Variants in IL1RAPL1 observed in about 807,000 individuals in gnomAD.
IL1RAPL1 encodes the protein interleukin-1 receptor accessory protein-like 1.
Under a neutral mutation model 48.4 loss-of-function variants are expected in IL1RAPL1, and 3 were observed. That is an observed-to-expected ratio of 0.06 (90% confidence interval 0.03 to 0.16). The LOEUF (loss-of-function observed/expected upper bound fraction) is 0.16. Among genes scored for constraint, IL1RAPL1 ranks in the 10% least tolerant of loss-of-function variants. IL1RAPL1 has a pLI of 1.00. For missense variants in IL1RAPL1, 349 were observed against 530.6 expected, an observed-to-expected ratio of 0.66 and a Z score of 3.36; for synonymous variants, 185 against 187.7, an observed-to-expected ratio of 0.99 and a Z score of 0.12.
chrX:28,850,263 G>A (rs1178557640), intron 2 of IL1RAPL1, among the ~76,000 whole-genome samples: 6 of 111,221 alleles, frequency 5.4e-5, no homozygotes, highest in Non-Finnish European at 1.1e-4. Flanking sequence ...GCATTGTGAT[G>A]CTCACGAAAA....
rs144876634 is a variant in IL1RAPL1 at position 28,824,774 on chromosome X, G to C, written c.82+35349G>C. ...GCCAGCCAACTATACCTAAATGACTGTCTCCTGAATTTATTTCATTAGGAG... is the reference window on the plus strand; with the variant it reads ...GCCAGCCAACTATACCTAAATGACTCTCTCCTGAATTTATTTCATTAGGAG... On this transcript the variant is annotated intron_variant, in intron 2 of 10. Coordinates refer to ENST00000378993, the MANE Select transcript of IL1RAPL1 (RefSeq NM_014271.4). Among the ~76,000 whole-genome samples the C allele has an allele frequency of 5.0e-4, 56 of 111,843 alleles. 2 individuals carry two copies. In the East Asian group the frequency reaches 0.013, roughly 25 times the overall value.
At chrX:29,289,879 A>G (rs1932344484) in intron 3 of IL1RAPL1, among the ~76,000 whole-genome samples, 1 of 112,468 alleles carries the variant, frequency 8.9e-6, no homozygotes, top group African/African-American at 3.2e-5. Context: ...TACTATGTGA[A>G]AATGTGATTG....
chrX:29,333,284 C>A (rs1384805094), intron 3 of IL1RAPL1, among the ~76,000 whole-genome samples: 1 of 109,488 alleles, frequency 9.1e-6, no homozygotes, highest in African/African-American at 3.3e-5. Flanking sequence ...GGGGCTGACC[C>A]CCCCCACCAT....
At chrX:29,499,281 G>T (rs1175586618) in intron 5 of IL1RAPL1, among the ~76,000 whole-genome samples, 1 of 112,133 alleles carries the variant, frequency 8.9e-6, no homozygotes, top group African/African-American at 3.2e-5. Context: ...GTGCTTAGGA[G>T]TAATAACCCA....
In IL1RAPL1 at chrX:28,851,779, C is replaced by T. The variant is rs866597969; in HGVS notation, c.82+62354C>T. 6.3e-5 allele frequency among the ~76,000 whole-genome samples: 7 copies of T among 111,810 alleles called. No homozygotes were observed. In the South Asian group the frequency reaches 1.5e-3, roughly 24 times the overall value. On this transcript the variant is annotated intron_variant, in intron 2 of 10. Coordinates refer to ENST00000378993, the MANE Select transcript of IL1RAPL1 (RefSeq NM_014271.4). ...CAATTATAAATTTGTTTTATGTAAA[C>T]GGAACCCCCAAATGACACCATCAAC... is the stretch of plus-strand genomic sequence containing the variant.
intron 1 of IL1RAPL1, among the ~76,000 whole-genome samples, chrX:28,752,475 A>G (rs750620661): frequency 1.6e-4 from 18 of 112,414 alleles, no homozygotes; most frequent in South Asian, 3.7e-4. Flanking sequence ...CTTAGCTACA[A>G]TGTTCAGAAA....
intron 5 of IL1RAPL1, among the ~76,000 whole-genome samples, chrX:29,541,586 T>C (rs898005592): frequency 3.6e-5 from 4 of 111,804 alleles, no homozygotes; most frequent in African/African-American, 1.3e-4. Context: ...TTATCTACGC[T>C]ATGGAATACT....
At chrX:29,852,274 T>C (rs927818643) in intron 6 of IL1RAPL1, among the ~76,000 whole-genome samples, 7 of 112,297 alleles carry the variant, frequency 6.2e-5, no homozygotes, top group African/African-American at 2.3e-4. Flanking sequence ...AATAAGCTCA[T>C]TGAAGAAACT....
intron 6 of IL1RAPL1, among the ~76,000 whole-genome samples, chrX:29,756,974 A>G (rs778172267): frequency 9.9e-5 from 11 of 111,402 alleles, no homozygotes; most frequent in Non-Finnish European, 1.7e-4. Context: ...CAAGCCAAGG[A>G]ATGCCAAGGA....
intron 2 of IL1RAPL1, among the ~76,000 whole-genome samples, chrX:29,214,508 T>C (rs1336679084): frequency 8.9e-6 from 1 of 111,742 alleles, no homozygotes; most frequent in Non-Finnish European, 1.9e-5. Flanking sequence ...TTCTCATTAC[T>C]TTTGTGCATG....
chrX:29,536,199 AT>A (rs1921227315), intron 5 of IL1RAPL1, among the ~76,000 whole-genome samples: 1 of 112,295 alleles, frequency 8.9e-6, no homozygotes, highest in African/African-American at 3.2e-5. Context: ...ACTAAGAAGC[AT>A]TAAAACAAGT....
intron 2 of IL1RAPL1, among the ~76,000 whole-genome samples, chrX:29,021,696 A>C (rs1269359940): frequency 9.0e-6 from 1 of 111,447 alleles, no homozygotes; most frequent in African/African-American, 3.3e-5. Flanking sequence ...CGTTATTTTA[A>C]ATTTTTAATC....
At chrX:28,681,389 C>G (rs1438114322) in intron 1 of IL1RAPL1, among the ~76,000 whole-genome samples, 2 of 111,041 alleles carry the variant, frequency 1.8e-5, no homozygotes, top group Non-Finnish European at 3.8e-5. Flanking sequence ...GGAAATTATG[C>G]TAAGGGAAAT....
At chrX:29,451,701 T>C (rs143932582) in intron 5 of IL1RAPL1, among the ~76,000 whole-genome samples, 31 of 111,826 alleles carry the variant, frequency 2.8e-4, no homozygotes, top group African/African-American at 9.7e-4. Context: ...TTTGTTCCAT[T>C]AGACAACCTG....
At chrX:28,706,802 C>A (rs184883793) in intron 1 of IL1RAPL1, among the ~76,000 whole-genome samples, 1 of 111,751 alleles carries the variant, frequency 8.9e-6, no homozygotes, top group African/African-American at 3.2e-5. Flanking sequence ...AATAGCCACC[C>A]AAATGGGCAT....
chrX:29,860,043 A>C (rs181326156), intron 6 of IL1RAPL1, among the ~76,000 whole-genome samples: 1 of 111,919 alleles, frequency 8.9e-6, no homozygotes, highest in African/African-American at 3.2e-5. Flanking sequence ...AAATTGAAAA[A>C]CTTTGAGTTT....
chrX:29,870,543 T>C (rs967268833), intron 6 of IL1RAPL1, among the ~76,000 whole-genome samples: 2 of 111,961 alleles, frequency 1.8e-5, no homozygotes, highest in African/African-American at 6.5e-5. Context: ...CACTTTTCCT[T>C]GCGTTCTGAT....
intron 2 of IL1RAPL1, among the ~76,000 whole-genome samples, chrX:29,188,010 C>T (rs1930284651): frequency 8.9e-6 from 1 of 111,954 alleles, no homozygotes; most frequent in African/African-American, 3.2e-5. Flanking sequence ...CATGCAGTTC[C>T]CATGCATATT....
intron 2 of IL1RAPL1, among the ~76,000 whole-genome samples, chrX:28,832,545 T>A (rs771798614): frequency 9.0e-6 from 1 of 111,262 alleles, no homozygotes; most frequent in Admixed American, 9.6e-5. Context: ...GTAGAAGAGC[T>A]GGAAAATCCC....
Sources: gnomAD v4.1 joint callset for allele counts (sites outside exome capture counted in the v4.1 genomes callset) on GRCh38, gnomAD v4.1.1 for gene constraint, MANE v1.5 for transcripts, NCBI Gene and HGNC (gene_info 2026-07-23, HGNC 2026-07-21) for gene names.